UBE2Q2: variants seen among roughly 807,000 people sequenced by gnomAD.
UBE2Q2 encodes the protein ubiquitin conjugating enzyme E2 Q2.
A neutral mutation model predicts 59.9 loss-of-function variants in UBE2Q2; 54 were observed. The ratio of observed to expected loss-of-function variants is 0.90; its 90% CI spans 0.72 to 1.13. UBE2Q2 has a LOEUF of 1.13. Ranked by LOEUF, UBE2Q2 falls within the 50% of genes most tolerant of loss-of-function variation. The probability of loss-of-function intolerance (pLI) is 0.00; values close to 1 mark genes in which losing one functional copy is unlikely to be tolerated. For synonymous variants in UBE2Q2, 165 were observed against 155.2 expected (o/e 1.06, Z -0.47); for missense variants, 433 against 441.9 (o/e 0.98, Z 0.18).
intron 11 of UBE2Q2, among the ~76,000 whole-genome samples, chr15:75,891,512 ACTCAATC>A (rs890942806): frequency 6.6e-6 from 1 of 151,000 alleles, no homozygotes; most frequent in Non-Finnish European, 1.5e-5. Context: ...CTTTTTATTA[ACTCAATC>A]CTCTTAATAA....
intron 12 of UBE2Q2, 145 bp downstream of exon 12, chr15:75,897,206 C>CTTTA (rs1170724083): frequency 1.6e-4 from 50 of 305,112 alleles, no homozygotes; most frequent in African/African-American, 3.9e-4. Flanking sequence ...CATACAAAAT[C>CTTTA]TTTATTTATT....
chr15:75,884,490 C>G (rs554602839), intron 9 of UBE2Q2, among the ~76,000 whole-genome samples: 2 of 152,234 alleles, frequency 1.3e-5, no homozygotes, highest in African/African-American at 4.8e-5. Flanking sequence ...AGAATACATA[C>G]TAACTTTGGT....
At chr15:75,845,708 G>C (rs76669428) in intron 1 of UBE2Q2, among the ~76,000 whole-genome samples, 1 of 152,218 alleles carries the variant, frequency 6.6e-6, no homozygotes, top group Admixed American at 6.5e-5. Context: ...AGTGCTAGGA[G>C]TACAGGGATA....
chr15:75,844,423 C>A (rs1370303204), intron 1 of UBE2Q2: 3 of 1,551,448 alleles, frequency 1.9e-6, no homozygotes, highest in Non-Finnish European at 8.7e-7. Context: ...CGACCCCTCT[C>A]CCCCGGGCCT....
At chr15:75,844,737 G>T in intron 1 of UBE2Q2, 1 of 378,044 alleles carries the variant, frequency 2.6e-6, no homozygotes, top group Non-Finnish European at 4.9e-6. Context: ...AATTGATGTA[G>T]GATATTGGTC....
chr15:75,899,390 GAATT>G, intron 12 of UBE2Q2, 33 bp from the exon 13 acceptor site: 1 of 1,501,224 alleles, frequency 6.7e-7, no homozygotes, highest in Non-Finnish European at 9.0e-7. Context: ...ATTTATTTAA[GAATT>G]ATTTTAACTT....
At chr15:75,898,814 CT>C (rs149261664) in intron 12 of UBE2Q2, among the ~76,000 whole-genome samples, 2,806 of 152,228 alleles carry the variant, frequency 0.018, 91 homozygotes, top group African/African-American at 0.064. Flanking sequence ...AAAACTTATT[CT>C]TTTAGTCTAA....
At chr15:75,868,921 T>C (rs1285966062) in intron 3 of UBE2Q2, 30 bp from the exon 4 acceptor site, 1 of 1,609,502 alleles carries the variant, frequency 6.2e-7, no homozygotes, top group Non-Finnish European at 8.5e-7. Context: ...TTGTTCTGTA[T>C]AGCCCTGGCA....
chr15:75,857,639 T>C (rs1267000618), intron 2 of UBE2Q2, among the ~76,000 whole-genome samples: 1 of 152,150 alleles, frequency 6.6e-6, no homozygotes, highest in Non-Finnish European at 1.5e-5. Flanking sequence ...TGCAGTATTT[T>C]GATACTGTTG....
chr15:75,874,434 C>A (rs1431457563), intron 5 of UBE2Q2, among the ~76,000 whole-genome samples: 3 of 151,996 alleles, frequency 2.0e-5, no homozygotes, highest in African/African-American at 7.2e-5. Flanking sequence ...TAGGTGTACA[C>A]CACCACACCT....
chr15:75,850,909 G>A (rs1896605222), intron 1 of UBE2Q2, among the ~76,000 whole-genome samples: 1 of 152,102 alleles, frequency 6.6e-6, no homozygotes, highest in Non-Finnish European at 1.5e-5. Flanking sequence ...TATTATAAAT[G>A]TGCTTTTACG....
At chr15:75,859,259 T>C (rs1305068934) in intron 2 of UBE2Q2, among the ~76,000 whole-genome samples, 1 of 151,228 alleles carries the variant, frequency 6.6e-6, no homozygotes, top group Non-Finnish European at 1.5e-5. Flanking sequence ...CTTAAGAGCC[T>C]ACTAAATATC....
chr15:75,883,429 G>C lies in UBE2Q2; in HGVS notation c.884+5G>C. 1 of 1,605,416 alleles carries C rather than the reference G, an allele frequency of 6.2e-7. No homozygotes were observed. Among genetic ancestry groups the C allele is most frequent in the Non-Finnish European group, 8.5e-7 (1 of 1,177,040 alleles). The stretch of plus-strand genomic sequence containing the variant: ...GTTACCTGTTCTCTCAGGAGGGTAA[G>C]TTTAAGTGACTACTTAAAAAGAAAT... On this transcript the variant is annotated splice_donor_5th_base_variant and intron_variant, in intron 9 of 12. Coordinates refer to ENST00000267938, the MANE Select transcript of UBE2Q2 (RefSeq NM_173469.4).
At chr15:75,858,480 G>A (rs1402093565) in intron 2 of UBE2Q2, among the ~76,000 whole-genome samples, 1 of 151,052 alleles carries the variant, frequency 6.6e-6, no homozygotes, top group Non-Finnish European at 1.5e-5. Flanking sequence ...TCTGACCCCC[G>A]CCCCCCGCAA....
chr15:75,883,086 C>G (rs1193590419), intron 8 of UBE2Q2, among the ~76,000 whole-genome samples: 1 of 152,136 alleles, frequency 6.6e-6, no homozygotes, highest in African/African-American at 2.4e-5. Flanking sequence ...GTTACCTAGT[C>G]TATCATTATT....
chr15:75,844,188 CCGGGG>C lies in UBE2Q2; in HGVS notation c.180+361_180+365del, dbSNP rs534143228. The C allele has an allele frequency of 7.7e-3, 11,070 of 1,445,400 alleles. 79 individuals carry two copies. The highest frequency in any genetic ancestry group is 9.2e-3 in the Middle Eastern group (36 of 3,902). 89.5% of individuals were successfully genotyped at this position (1,445,400 alleles called of 1,614,324 possible). A position where few individuals can be genotyped will look rare whatever the true frequency, so the allele number is the denominator to read the frequency against. ...GCCCTCAGCCGGCCTGCTCCCGGGA[CCGGGG>C]CGGGGCGGGGCGGGGCGGCGCAGCT... On this transcript the variant is annotated intron_variant, in intron 1 of 12. Transcript: ENST00000267938.
intron 3 of UBE2Q2, among the ~76,000 whole-genome samples, chr15:75,868,108 A>G (rs1404045074): frequency 1.3e-5 from 2 of 152,192 alleles, no homozygotes; most frequent in Non-Finnish European, 2.9e-5. Context: ...TTATTCCATC[A>G]GAGTGTCTAA....
intron 2 of UBE2Q2, among the ~76,000 whole-genome samples, chr15:75,856,800 C>T (rs1355202553): frequency 6.6e-6 from 1 of 151,912 alleles, no homozygotes; most frequent in Admixed American, 6.6e-5. Flanking sequence ...AAAATTTAGC[C>T]GGGTGTGGTG....
chr15:75,848,335 T>C (rs528698733), intron 1 of UBE2Q2, among the ~76,000 whole-genome samples: 1 of 152,380 alleles, frequency 6.6e-6, no homozygotes, highest in Admixed American at 6.5e-5. Context: ...CCAGTCAAAG[T>C]TGTACAAAGG....
Sources: allele counts gnomAD v4.1 joint callset (sites outside exome capture counted in the v4.1 genomes callset), GRCh38; gene constraint gnomAD v4.1.1; transcripts MANE v1.5; gene names NCBI Gene and HGNC (gene_info 2026-07-23, HGNC 2026-07-21).